The following COA6 variants were observed in gnomAD, a reference collection of about 807,000 sequenced individuals.
COA6 encodes the protein cytochrome c oxidase assembly factor 6, also known as cytochrome c oxidase assembly factor 6 homolog.
COA6 carries 12 observed loss-of-function variants against 17.1 expected under a neutral mutation model. The ratio of observed to expected loss-of-function variants is 0.70; its 90% CI spans 0.45 to 1.14. The LOEUF is 1.14. COA6 is among the 50% of genes most tolerant of loss of function. The pLI, the probability that COA6 is intolerant of heterozygous loss-of-function variation, is 0.00. For synonymous variants in COA6, 90 were observed against 73.4 expected (o/e 1.23, Z -1.16); for missense variants, 246 against 196.5 (o/e 1.25, Z -1.51).
chr1:234,379,410 T>C (rs577338122), intron 2 of COA6, among the ~76,000 whole-genome samples: 122 of 152,146 alleles, frequency 8.0e-4, no homozygotes, highest in Non-Finnish European at 1.4e-3. Flanking sequence ...GGATAAGATA[T>C]AAGCTTTGAT....
At chr1:234,383,687 C>G (rs1205659485) in intron 2 of COA6, 36 bp from the exon 3 acceptor site, 1 of 850,040 alleles carries the variant, frequency 1.2e-6, no homozygotes, top group Non-Finnish European at 2.0e-6. Context: ...AGCTGCATAA[C>G]TTGCCCTTAT....
chr1:234,377,093 AG>A (rs1658825063), intron 2 of COA6, among the ~76,000 whole-genome samples: 1 of 65,168 alleles, frequency 1.5e-5, no homozygotes, highest in Admixed American at 1.9e-4. Context: ...AGAGAGAGAG[AG>A]AGAGAGATCC....
chr1:234,379,135 C>T (rs1281878656), intron 2 of COA6, among the ~76,000 whole-genome samples: 1 of 151,604 alleles, frequency 6.6e-6, no homozygotes, highest in Non-Finnish European at 1.5e-5. Flanking sequence ...CCATCTCAGC[C>T]TCCCAAAGAG....
intron 2 of COA6, among the ~76,000 whole-genome samples, chr1:234,380,251 A>T (rs1658934208): frequency 6.6e-6 from 1 of 152,212 alleles, no homozygotes; most frequent in Non-Finnish European, 1.5e-5. Context: ...TTCCAGAGAT[A>T]TGTGTGCATA....
In COA6 at chr1:234,373,493, T is replaced by C. The variant is rs1244286367; in HGVS notation, c.27T>C (p.Ser9=). The change falls in exon 1 of 3, where the codon AGT becomes AGC. Residue 9 remains serine (S), a synonymous_variant. Transcript: ENST00000366615. ...TGGTAGCTCGGAAGGGTCAAAAGAG[T>C]CCGCGGTTTCGCCGCGTGAGTTGCT... MVARKGQK[S]PRFRRVSCFL... is the part of the protein sequence containing the mutation. The C allele has an allele frequency of 6.3e-7, 1 of 1,587,004 alleles. No individual in the cohort carries two copies. Among genetic ancestry groups the C allele is most frequent in the Non-Finnish European group, 8.6e-7 (1 of 1,166,886 alleles).
In COA6 at chr1:234,383,847, T is replaced by C. The variant is rs746783907; in HGVS notation, c.*29T>C. 4 of 1,168,512 alleles carry C rather than the reference T, an allele frequency of 3.4e-6. No homozygotes were observed. The highest frequency in any genetic ancestry group is 5.0e-6 in the Non-Finnish European group (4 of 794,834). 72.4% of individuals were successfully genotyped at this position (1,168,512 alleles called of 1,614,324 possible). A position where few individuals can be genotyped will look rare whatever the true frequency, so the allele number is the denominator to read the frequency against. ...GTTCATAAAGATTGAAAGTATTCTT[T>C]CTGGACATTGAAAAAGCTCCACTGA... On this transcript the variant is annotated 3_prime_UTR_variant, in exon 3 of 3. Coordinates refer to ENST00000366615, the MANE Select transcript of COA6 (RefSeq NM_001206641.3).
intron 2 of COA6, among the ~76,000 whole-genome samples, chr1:234,380,645 TACCAA>T (rs141045585): frequency 0.088 from 13,391 of 152,288 alleles, 661 homozygotes; most frequent in African/African-American, 0.1. Context: ...TGGTAGCTGT[TACCAA>T]AACAAATTAG....
rs1658681768 is a variant in COA6, at chr1:234,373,659, G to A, written c.193G>A (p.Gly65Arg). 2 of 1,612,996 alleles carry A rather than the reference G, an allele frequency of 1.2e-6. No homozygotes were observed. The highest frequency in any genetic ancestry group is 1.3e-5 in the African/African-American group (1 of 75,054). ...VSSRRHRKEA[G>R]RGRAESFIAV... ...CTCCCGTCGACATCGAAAGGAAGCC[G>A]GACGTGGGCGGGCAGAGAGGTCGGC... is the stretch of plus-strand genomic sequence containing the variant. The change falls in exon 1 of 3, where the codon GGA becomes AGA. Residue 65 changes from glycine to arginine, a missense_variant. Transcript: ENST00000366615.
chr1:234,377,133 T>TTTTTTTTTTTTTTGTTG (rs60899682), intron 2 of COA6, among the ~76,000 whole-genome samples: 31 of 69,566 alleles, frequency 4.5e-4, no homozygotes, highest in Middle Eastern at 6.8e-3. Flanking sequence ...TTTTGTTTTT[T>TTTTTTTTTTTTTTGTTG]TTGTTGTTGT....
At chr1:234,373,982 C>G (rs1658699861) in intron 1 of COA6, 2 of 1,120,730 alleles carry the variant, frequency 1.8e-6, no homozygotes. Flanking sequence ...CCCACGCTGC[C>G]GCCCCAGCAG....
At chr1:234,379,851 C>T (rs1027897481) in intron 2 of COA6, among the ~76,000 whole-genome samples, 6 of 152,122 alleles carry the variant, frequency 3.9e-5, no homozygotes, top group Non-Finnish European at 5.9e-5. Flanking sequence ...GAGAAACTAC[C>T]CCGGTGATTC....
chr1:234,381,847 C>T (rs1326262038), intron 2 of COA6, among the ~76,000 whole-genome samples: 1 of 152,210 alleles, frequency 6.6e-6, no homozygotes, highest in Non-Finnish European at 1.5e-5. Context: ...GGGACTGCAA[C>T]ATCAGTAGGA....
At chr1:234,377,577 G>T (rs1658845223) in intron 2 of COA6, among the ~76,000 whole-genome samples, 3 of 152,210 alleles carry the variant, frequency 2.0e-5, no homozygotes, top group Admixed American at 1.3e-4. Flanking sequence ...ACCCTCGACT[G>T]AATTATTGGA....
intron 2 of COA6, among the ~76,000 whole-genome samples, chr1:234,379,453 A>G (rs1312950601): frequency 6.6e-6 from 1 of 152,170 alleles, no homozygotes; most frequent in Non-Finnish European, 1.5e-5. Flanking sequence ...GGATGAGATC[A>G]TTGAAGAGGT....
rs747152796 is a variant in COA6, at chr1:234,373,644, C to T, written c.178C>T (p.His60Tyr). The T allele has an allele frequency of 1.1e-5, 18 of 1,613,056 alleles. No individual in the cohort carries two copies. The highest frequency in any genetic ancestry group is 1.4e-5 in the Non-Finnish European group (17 of 1,179,414). The part of the protein sequence containing the change: ...VACVTVSSRR[H>Y]RKEAGRGRAE... The stretch of plus-strand genomic sequence containing the variant: ...CTGCGTGACAGTTTCCTCCCGTCGA[C>T]ATCGAAAGGAAGCCGGACGTGGGCG... Residue 60 changes from histidine (H) to tyrosine (Y), a missense_variant, in exon 1 of 3, where the codon CAT (histidine) becomes TAT (tyrosine). Coordinates refer to ENST00000366615, the MANE Select transcript of COA6 (RefSeq NM_001206641.3).
intron 2 of COA6, among the ~76,000 whole-genome samples, chr1:234,380,876 TGTA>T (rs1203420758): frequency 6.6e-6 from 1 of 152,196 alleles, no homozygotes; most frequent in Non-Finnish European, 1.5e-5. Flanking sequence ...GGCACGCGCC[TGTA>T]GTCCCACCTA....
Position 234,378,866 on chromosome 1 carries a change from G to GT in COA6, c.372+4477_372+4478insT, listed in dbSNP as rs1243641378. ...CCAGCCTGGGTGAGTACAAGACTCT[G>GT]GTTTTTTTTTCTTTTTGAAAAAAAC... On this transcript the variant is annotated intron_variant, in intron 2 of 2. Transcript: ENST00000366615. 1.4e-3 allele frequency among the ~76,000 whole-genome samples: 208 copies of GT among 149,664 alleles called. 1 individual carries two copies. The highest frequency in any genetic ancestry group is 4.1e-3 in the African/African-American group (166 of 40,476).
intron 2 of COA6, among the ~76,000 whole-genome samples, chr1:234,379,783 C>T (rs1572173243): frequency 6.6e-6 from 1 of 152,158 alleles, no homozygotes; most frequent in Non-Finnish European, 1.5e-5. Flanking sequence ...GGGGAAGAGC[C>T]CCTTATAAAA....
At position 234,373,534 on chromosome 1, in the gene COA6, G is replaced by T. The variant is rs773354791; in HGVS notation, c.68G>T (p.Arg23Met). 13 of 1,610,174 alleles carry T rather than the reference G, an allele frequency of 8.1e-6. No individual in the cohort carries two copies. Among genetic ancestry groups the T allele is most frequent in the Non-Finnish European group, 1.1e-5 (13 of 1,178,410 alleles). ...GTGAGTTGCTTTTTGCGGCTGGGGA[G>T]GTCTACGCTTCTAGAGCTTGAGCCA... ...RRVSCFLRLG[R>M]STLLELEPAG... Residue 23 changes from arginine to methionine, a missense_variant, in exon 1 of 3, where the codon AGG becomes ATG. Physicochemically the swap from Arg to Met is moderately conservative, Grantham distance 91. Coordinates refer to ENST00000366615, the MANE Select transcript of COA6 (RefSeq NM_001206641.3).
Sources: gnomAD v4.1 joint callset for allele counts (sites outside exome capture counted in the v4.1 genomes callset) on GRCh38, gnomAD v4.1.1 for gene constraint, MANE v1.5 for transcripts, NCBI Gene and HGNC (gene_info 2026-07-23, HGNC 2026-07-21) for gene names.